ROBO2: variants seen among roughly 807,000 people sequenced by gnomAD.
ROBO2 encodes roundabout guidance receptor 2.
In ROBO2, 53 loss-of-function variants were observed where a neutral mutation model predicts 160.8. That is an observed-to-expected ratio of 0.33 (90% confidence interval 0.26 to 0.41). The LOEUF is 0.41. Ranked by LOEUF, ROBO2 falls within the 10% of genes least tolerant of loss-of-function variation. ROBO2 has a pLI of 1.00. For missense variants in ROBO2, 1,577 were observed against 1,722.4 expected (o/e 0.92, Z 1.49); for synonymous variants, 664 against 611.7 (o/e 1.09, Z -1.26).
At chr3:76,328,908 T>TTTTATATATATATATATATATATATA in intron 2 of ROBO2, among the ~76,000 whole-genome samples, 1 of 136,026 alleles carries the variant, frequency 7.4e-6, no homozygotes, top group African/African-American at 2.8e-5. Context: ...ATTTATGTTA[T>TTTTATATATATATATATATATATATA]TATATATATA....
chr3:77,626,029 G>T (rs1418451249), intron 23 of ROBO2, among the ~76,000 whole-genome samples: 1 of 152,188 alleles, frequency 6.6e-6, no homozygotes, highest in Middle Eastern at 3.4e-3. Flanking sequence ...AAATCAATCA[G>T]TCTTACTCTA....
intron 2 of ROBO2, among the ~76,000 whole-genome samples, chr3:76,192,580 AG>A (rs1702067718): frequency 6.8e-6 from 1 of 147,308 alleles, no homozygotes; most frequent in African/African-American, 2.5e-5. Flanking sequence ...ACGTCATAAA[AG>A]TTTTTTTTTT....
chr3:77,329,128 G>A (rs2065735947), intron 2 of ROBO2, among the ~76,000 whole-genome samples: 1 of 152,138 alleles, frequency 6.6e-6, no homozygotes. Flanking sequence ...TTAATTAATA[G>A]TCCAGTGTTG....
At chr3:76,008,845 C>G (rs1559827494) in intron 2 of ROBO2, among the ~76,000 whole-genome samples, 1 of 152,034 alleles carries the variant, frequency 6.6e-6, no homozygotes, top group African/African-American at 2.4e-5. Context: ...TTTTACATGA[C>G]ATGTGGACCT....
At chr3:76,479,501 A>G (rs2079100722) in intron 2 of ROBO2, among the ~76,000 whole-genome samples, 1 of 152,186 alleles carries the variant, frequency 6.6e-6, no homozygotes, top group African/African-American at 2.4e-5. Context: ...AATCTTTCAC[A>G]TGCTGCCTGC....
At chr3:76,691,578 G>A (rs570285081) in intron 2 of ROBO2, among the ~76,000 whole-genome samples, 7 of 152,254 alleles carry the variant, frequency 4.6e-5, no homozygotes, top group African/African-American at 7.2e-5. Flanking sequence ...AAGAGGCTTC[G>A]ATGAGAGAAT....
chr3:77,200,267 TTATATATATATATATA>T (rs144644165), intron 2 of ROBO2, among the ~76,000 whole-genome samples: 495 of 46,540 alleles, frequency 0.011, 7 homozygotes, highest in African/African-American at 0.018. Flanking sequence ...CTAACATATT[TTATATATATATATATA>T]TATATATATA....
At chr3:77,150,811 G>A (rs2077490480) in intron 2 of ROBO2, among the ~76,000 whole-genome samples, 1 of 151,550 alleles carries the variant, frequency 6.6e-6, no homozygotes, top group African/African-American at 2.4e-5. Flanking sequence ...GTATTATAAA[G>A]CAAAGCAAAT....
intron 2 of ROBO2, among the ~76,000 whole-genome samples, chr3:76,137,578 T>C (rs1294823625): frequency 6.6e-6 from 1 of 151,960 alleles, no homozygotes; most frequent in Non-Finnish European, 1.5e-5. Flanking sequence ...GTAATGTTCA[T>C]GTAAAATTAA....
intron 2 of ROBO2, among the ~76,000 whole-genome samples, chr3:77,353,878 G>A (rs2153460688): frequency 6.6e-6 from 1 of 152,254 alleles, no homozygotes; most frequent in East Asian, 1.9e-4. Context: ...AAATATTGAT[G>A]TAGATCTTCT....
chr3:76,625,851 T>C (rs2089605101), intron 2 of ROBO2, among the ~76,000 whole-genome samples: 1 of 152,136 alleles, frequency 6.6e-6, no homozygotes, highest in Non-Finnish European at 1.5e-5. Context: ...ACTGAGAGAT[T>C]TTAACAGATG....
intron 2 of ROBO2, among the ~76,000 whole-genome samples, chr3:76,755,629 A>T (rs1388300301): frequency 1.3e-5 from 2 of 151,882 alleles, no homozygotes; most frequent in African/African-American, 4.8e-5. Context: ...ACCTCCAATG[A>T]ACTCAACTTC....
At chr3:75,948,586 T>C (rs1164716952) in intron 2 of ROBO2, among the ~76,000 whole-genome samples, 1 of 152,104 alleles carries the variant, frequency 6.6e-6, no homozygotes, top group African/African-American at 2.4e-5. Context: ...TTGAGCCTTC[T>C]GGTAGTACCC....
At chr3:75,968,254 C>A (rs911380633) in intron 2 of ROBO2, among the ~76,000 whole-genome samples, 9 of 151,214 alleles carry the variant, frequency 6.0e-5, no homozygotes, top group African/African-American at 2.2e-4. Flanking sequence ...TATGACTGTC[C>A]CCTCAGGCTT....
chr3:76,798,171 G>GAAAGA (rs1355234093), intron 2 of ROBO2, among the ~76,000 whole-genome samples: 41 of 66,248 alleles, frequency 6.2e-4, no homozygotes, highest in African/African-American at 1.6e-3. Flanking sequence ...AGAAAGAAAG[G>GAAAGA]GAGAGAAAGA....
intron 2 of ROBO2, among the ~76,000 whole-genome samples, chr3:76,759,696 T>C (rs1420264460): frequency 6.8e-6 from 1 of 148,000 alleles, no homozygotes; most frequent in East Asian, 2.0e-4. Flanking sequence ...TTATAAAATA[T>C]CAGGGGGTAT....
chr3:76,014,953 A>G (rs542695464), intron 2 of ROBO2, among the ~76,000 whole-genome samples: 1 of 152,170 alleles, frequency 6.6e-6, no homozygotes, highest in Non-Finnish European at 1.5e-5. Context: ...AAAGACATAC[A>G]TACATACATA....
intron 2 of ROBO2, among the ~76,000 whole-genome samples, chr3:77,001,020 C>A (rs1202831086): frequency 5.3e-5 from 8 of 152,092 alleles, no homozygotes; most frequent in Admixed American, 5.2e-4. Context: ...CAAGTTTACC[C>A]AACAGCCATC....
intron 2 of ROBO2, among the ~76,000 whole-genome samples, chr3:76,175,104 T>A (rs761619554): frequency 6.6e-6 from 1 of 152,062 alleles, no homozygotes; most frequent in Non-Finnish European, 1.5e-5. Flanking sequence ...TATTCCTAGG[T>A]ATTTTATTCT....
Sources: allele counts gnomAD v4.1 joint callset (sites outside exome capture counted in the v4.1 genomes callset), GRCh38; gene constraint gnomAD v4.1.1; transcripts MANE v1.5; gene names NCBI Gene and HGNC (gene_info 2026-07-23, HGNC 2026-07-21).